The following ANO1 variants were observed in gnomAD, a reference collection of about 807,000 sequenced individuals.
ANO1 encodes anoctamin 1, also known as anoctamin-1.
A neutral mutation model predicts 124.0 loss-of-function variants in ANO1; 59 were observed. The ratio of observed to expected loss-of-function variants is 0.48; its 90% CI spans 0.39 to 0.59. The LOEUF (loss-of-function observed/expected upper bound fraction) is 0.59. Among genes scored for constraint, ANO1 ranks in the 20% least tolerant of loss-of-function variants. ANO1 has a pLI of 0.00. For synonymous variants in ANO1, 529 were observed against 532.0 expected, an observed-to-expected ratio of 0.99 and a Z score of 0.08; for missense variants, 1,059 against 1,328.0, an observed-to-expected ratio of 0.80 and a Z score of 3.15.
chr11:70,052,123 CCACACCACTTATTGATTT>C (rs1402766001), intron 1 of ANO1, among the ~76,000 whole-genome samples: 4 of 152,318 alleles, frequency 2.6e-5, no homozygotes, highest in Non-Finnish European at 4.4e-5. Flanking sequence ...TTTATTGATT[CCACACCACTTATTGATTT>C]CACACCACTT....
At chr11:70,125,103 G>A (rs537610636) in intron 9 of ANO1, among the ~76,000 whole-genome samples, 18 of 152,282 alleles carry the variant, frequency 1.2e-4, no homozygotes, top group South Asian at 6.2e-4. Flanking sequence ...AGCACTTTGG[G>A]AGGCTGAGGC....
At chr11:70,079,884 G>A (rs560282684) in intron 1 of ANO1, among the ~76,000 whole-genome samples, 3 of 152,234 alleles carry the variant, frequency 2.0e-5, no homozygotes, top group Admixed American at 1.3e-4. Context: ...GTGGAGGGGG[G>A]TGGCCTGGGG....
At chr11:70,019,415 G>A (rs530650311) in intron 1 of ANO1, among the ~76,000 whole-genome samples, 4 of 152,146 alleles carry the variant, frequency 2.6e-5, no homozygotes, top group African/African-American at 7.2e-5. Context: ...CAAGGAAACC[G>A]TTACATTAAG....
chr11:70,058,965 C>T (rs1857504277), intron 1 of ANO1, among the ~76,000 whole-genome samples: 1 of 151,460 alleles, frequency 6.6e-6, no homozygotes, highest in Admixed American at 6.6e-5. Flanking sequence ...GGGCAGATCA[C>T]GAGGTCAGGA....
In ANO1 at chr11:70,095,392, AAG is replaced by A. The variant is rs1451450022; in HGVS notation, c.441+7310_441+7311del. ...AAAGAAAGAAAGAAAGAAAGAAAGA[AAG>A]AAAGAAAGAAAGAAAGAAAGAAAGA... On this transcript the variant is annotated intron_variant, in intron 2 of 25. Transcript: ENST00000355303. 8.8e-3 allele frequency among the ~76,000 whole-genome samples: 342 copies of A among 39,010 alleles called. 25 individuals carry two copies. Among genetic ancestry groups the A allele is most frequent in the African/African-American group, 0.021 (319 of 14,990 alleles). 25.6% of individuals were successfully genotyped at this position (39,010 alleles called of 152,430 possible). A position where few individuals can be genotyped will look rare whatever the true frequency, so the allele number is the denominator to read the frequency against.
At chr11:70,167,968 C>T (rs925095780) in intron 21 of ANO1, among the ~76,000 whole-genome samples, 1 of 152,226 alleles carries the variant, frequency 6.6e-6, no homozygotes, top group Non-Finnish European at 1.5e-5. Flanking sequence ...GACTTGCTCA[C>T]CTGTGGGCTG....
At chr11:70,094,077 G>A (rs944344115) in intron 2 of ANO1, among the ~76,000 whole-genome samples, 1 of 152,206 alleles carries the variant, frequency 6.6e-6, no homozygotes. Context: ...GCCCACAGAG[G>A]GACAGAGCTG....
At chr11:70,118,333 C>G (rs1433735944) in intron 8 of ANO1, among the ~76,000 whole-genome samples, 1 of 152,204 alleles carries the variant, frequency 6.6e-6, no homozygotes, top group Non-Finnish European at 1.5e-5. Context: ...CTACTGGGCA[C>G]TACTCTGTGC....
intron 1 of ANO1, among the ~76,000 whole-genome samples, chr11:70,008,217 ACT>A (rs1280148868): frequency 6.6e-6 from 1 of 151,982 alleles, no homozygotes; most frequent in Non-Finnish European, 1.5e-5. Context: ...TTGCCGTTTC[ACT>A]CTGTTTATTT....
intron 9 of ANO1, among the ~76,000 whole-genome samples, chr11:70,124,828 G>A (rs983150444): frequency 6.6e-5 from 10 of 152,202 alleles, no homozygotes; most frequent in South Asian, 2.1e-4. Context: ...CAACTTGCCC[G>A]CCAGAGCTCG....
intron 21 of ANO1, chr11:70,170,049 C>A: frequency 2.4e-6 from 1 of 413,772 alleles, no homozygotes; most frequent in South Asian, 1.7e-5. Flanking sequence ...TGGGATGATC[C>A]CCAGGGGGAG....
intron 24 of ANO1, 101 bp from the exon 25 acceptor site, chr11:70,185,489 C>A: frequency 1.8e-6 from 2 of 1,091,794 alleles, no homozygotes; most frequent in Non-Finnish European, 2.7e-6. Context: ...AGCCGCACAC[C>A]AAGCTGAGCC....
chr11:70,068,088 T>C (rs782406918), intron 1 of ANO1, among the ~76,000 whole-genome samples: 2 of 152,202 alleles, frequency 1.3e-5, no homozygotes, highest in Non-Finnish European at 2.9e-5. Context: ...AGCCCTCGTA[T>C]TGGAGAAGGC....
rs774662050 is a variant in ANO1, at chr11:70,088,006, G to A, written c.363G>A (p.Glu121=). 1.4e-5 allele frequency: 21 copies of A among 1,550,122 alleles called. No homozygotes were observed. The Admixed American group carries it at 3.9e-4, about 29-fold the overall frequency. ...GGGAGCCCCCGATGGACTACCACGA[G>A]GATGACAAGCGCTTCCGCAGGGAGG... ...GSGEPPMDYH[E]DDKRFRREEY... Residue 121 remains glutamate (E), a synonymous_variant, in exon 2 of 26, where the codon GAG becomes GAA. Transcript: ENST00000355303.
intron 1 of ANO1, chr11:70,085,337 G>T: frequency 2.8e-5 from 35 of 1,235,906 alleles, no homozygotes; most frequent in Non-Finnish European, 3.1e-5. Flanking sequence ...GCCCTCCCAA[G>T]CCACCCACCC....
chr11:70,021,885 A>C (rs1460061334), intron 1 of ANO1, among the ~76,000 whole-genome samples: 1 of 152,212 alleles, frequency 6.6e-6, no homozygotes, highest in Non-Finnish European at 1.5e-5. Context: ...GAGTGCGCAG[A>C]GTATTTTAAA....
chr11:70,162,549 T>G (rs3781656), intron 18 of ANO1, among the ~76,000 whole-genome samples: 46,148 of 151,900 alleles, frequency 0.3, 8,187 homozygotes, highest in East Asian at 0.51. Context: ...GCCTGGGCCC[T>G]CTGGAGCCAT....
intron 7 of ANO1, among the ~76,000 whole-genome samples, chr11:70,115,832 G>A (rs1277802621): frequency 1.3e-5 from 2 of 152,184 alleles, no homozygotes; most frequent in Non-Finnish European, 2.9e-5. Context: ...GACCCATGAT[G>A]TTCCAAGATG....
chr11:69,979,274 A>G, the ANO1 span, among the ~76,000 whole-genome samples: 1 of 152,288 alleles, frequency 6.6e-6, no homozygotes, highest in Admixed American at 6.5e-5. Flanking sequence ...ACATTTTGCA[A>G]CTGGTGTATT....
Sources: allele counts gnomAD v4.1 joint callset (sites outside exome capture counted in the v4.1 genomes callset), GRCh38; gene constraint gnomAD v4.1.1; transcripts MANE v1.5; gene names NCBI Gene and HGNC (gene_info 2026-07-23, HGNC 2026-07-21).